CNTNAP2: variants seen among roughly 807,000 people sequenced by gnomAD.
The protein encoded by CNTNAP2 is contactin associated protein 2.
In CNTNAP2, 98 loss-of-function variants were observed where a neutral mutation model predicts 155.2. That is an observed-to-expected ratio of 0.63 (90% confidence interval 0.54 to 0.75). The LOEUF (loss-of-function observed/expected upper bound fraction) is 0.75, where lower values mean the gene tolerates loss of function less well. Ranked by LOEUF, CNTNAP2 falls within the 30% of genes least tolerant of loss-of-function variation. The pLI, the probability that CNTNAP2 is intolerant of heterozygous loss-of-function variation, is 0.00. For synonymous variants in CNTNAP2, 651 were observed against 631.2 expected (o/e 1.03, Z -0.47); for missense variants, 1,727 against 1,688.1 (o/e 1.02, Z -0.40).
chr7:146,843,361 C>T (rs969317700), intron 3 of CNTNAP2, among the ~76,000 whole-genome samples: 5 of 151,798 alleles, frequency 3.3e-5, no homozygotes, highest in Non-Finnish European at 7.4e-5. Context: ...CACTCACTGT[C>T]AGGAGATCAA....
intron 1 of CNTNAP2, among the ~76,000 whole-genome samples, chr7:146,296,040 C>T (rs1291434954): frequency 6.6e-6 from 1 of 152,150 alleles, no homozygotes; most frequent in East Asian, 1.9e-4. Flanking sequence ...TCCTTACAAC[C>T]AAAGTCACAT....
chr7:147,612,525 T>G (rs532170603), intron 12 of CNTNAP2, among the ~76,000 whole-genome samples: 1 of 151,856 alleles, frequency 6.6e-6, no homozygotes, highest in Admixed American at 6.6e-5. Context: ...CTCAGCCTCT[T>G]AAGTAGCTGG....
chr7:148,025,613 C>T (rs147885886), intron 15 of CNTNAP2, among the ~76,000 whole-genome samples: 12 of 152,184 alleles, frequency 7.9e-5, no homozygotes, highest in African/African-American at 2.7e-4. Context: ...CTTCCTGTTA[C>T]CTTAGTACTC....
intron 21 of CNTNAP2, among the ~76,000 whole-genome samples, chr7:148,341,450 T>C (rs971508857): frequency 1.3e-5 from 2 of 152,172 alleles, no homozygotes; most frequent in African/African-American, 4.8e-5. Flanking sequence ...AGTCTATTGC[T>C]TACTATTAAC....
chr7:146,520,392 A>G (rs1030357827), intron 1 of CNTNAP2, among the ~76,000 whole-genome samples: 1 of 150,162 alleles, frequency 6.7e-6, no homozygotes, highest in African/African-American at 2.4e-5. Context: ...TCTGAAGAGA[A>G]AAATGACACT....
At position 146,191,272 on chromosome 7, in the gene CNTNAP2, CT is replaced by C. The variant is rs1165126721; in HGVS notation, c.97+74300del. ...ATGTCGGCAGGTTCTGTGATGCCCC[CT>C]GAGCCGCAAAACCAGCAAGTTTGTA... On this transcript the variant is annotated intron_variant, in intron 1 of 23. Coordinates refer to ENST00000361727, the MANE Select transcript of CNTNAP2 (RefSeq NM_014141.6). Among the ~76,000 whole-genome samples the C allele has an allele frequency of 4.6e-5, 7 of 152,156 alleles. No individual in the cohort carries two copies. The South Asian group carries it at 1.5e-3, about 32-fold the overall frequency.
Position 146,583,594 on chromosome 7 carries a change from C to T in CNTNAP2, c.98-190677C>T, listed in dbSNP as rs56149121. Among the ~76,000 whole-genome samples the T allele has an allele frequency of 0.033, 5,053 of 152,114 alleles. 275 individuals carry two copies. The highest frequency in any genetic ancestry group is 0.12 in the African/African-American group (4,798 of 41,490). ...ATGTAAGAAACTCAGAACAAGAGAT[C>T]GCTTATAAAATAATTGAAAAAATAC... On this transcript the variant is annotated intron_variant, in intron 1 of 23. Coordinates refer to ENST00000361727, the MANE Select transcript of CNTNAP2 (RefSeq NM_014141.6).
intron 11 of CNTNAP2, chr7:147,496,603 G>A (rs1484633255): frequency 2.6e-5 from 4 of 152,188 alleles, no homozygotes; most frequent in Admixed American, 2.6e-4. Flanking sequence ...GGTATAATGA[G>A]ATGCTTCCTC....
chr7:147,355,724 C>A (rs1044364374), intron 9 of CNTNAP2, among the ~76,000 whole-genome samples: 5 of 152,016 alleles, frequency 3.3e-5, no homozygotes, highest in East Asian at 3.9e-4. Flanking sequence ...TACACCCACC[C>A]AAGACTAAAC....
At chr7:147,629,050 C>T (rs756772504) in intron 12 of CNTNAP2, among the ~76,000 whole-genome samples, 2 of 151,846 alleles carry the variant, frequency 1.3e-5, no homozygotes, top group African/African-American at 4.8e-5. Context: ...AGTGGGGGGG[C>T]TTCAATACTC....
At chr7:146,848,061 T>C (rs1445411330) in intron 3 of CNTNAP2, among the ~76,000 whole-genome samples, 1 of 152,220 alleles carries the variant, frequency 6.6e-6, no homozygotes, top group Non-Finnish European at 1.5e-5. Context: ...AAACAGTTTA[T>C]GCTGGTTAGC....
chr7:147,830,772 C>T (rs1238037089), intron 13 of CNTNAP2, among the ~76,000 whole-genome samples: 1 of 152,162 alleles, frequency 6.6e-6, no homozygotes, highest in African/African-American at 2.4e-5. Flanking sequence ...ATACAGCATT[C>T]TCTTGTATTA....
intron 10 of CNTNAP2, among the ~76,000 whole-genome samples, chr7:147,431,111 G>A (rs1044724066): frequency 2.0e-5 from 3 of 151,832 alleles, no homozygotes; most frequent in Non-Finnish European, 4.4e-5. Flanking sequence ...AAGGTTAGGA[G>A]AAGCGCAGGT....
chr7:147,031,971 G>A (rs12539898), intron 3 of CNTNAP2, among the ~76,000 whole-genome samples: 15,223 of 152,144 alleles, frequency 0.1, 1,126 homozygotes, highest in East Asian at 0.24. Context: ...GTATACACAC[G>A]GTGAGGAGTG....
chr7:146,557,066 C>T (rs1218461445), intron 1 of CNTNAP2, among the ~76,000 whole-genome samples: 1 of 152,064 alleles, frequency 6.6e-6, no homozygotes, highest in Non-Finnish European at 1.5e-5. Flanking sequence ...TTCCAAGCAA[C>T]ATACAATTTA....
chr7:147,311,472 T>TA (rs1295293661), intron 9 of CNTNAP2, among the ~76,000 whole-genome samples: 73 of 152,230 alleles, frequency 4.8e-4, no homozygotes, highest in African/African-American at 1.8e-3. Context: ...CTGGCTCTCT[T>TA]ACTCCTGCTG....
chr7:147,411,120 T>C (rs1472971212), intron 10 of CNTNAP2, among the ~76,000 whole-genome samples: 1 of 152,210 alleles, frequency 6.6e-6, no homozygotes, highest in Non-Finnish European at 1.5e-5. Context: ...AGTTAGAAGT[T>C]TTCTTAAGCC....
At chr7:147,524,673 G>C (rs1016984326) in intron 11 of CNTNAP2, among the ~76,000 whole-genome samples, 9 of 152,160 alleles carry the variant, frequency 5.9e-5, no homozygotes, top group African/African-American at 2.2e-4. Flanking sequence ...TGAAAACTCT[G>C]CTTGAGGGTC....
In CNTNAP2 at chr7:147,848,486, G is replaced by A. The variant is rs1377598592; in HGVS notation, c.2099-55079G>A. Among the ~76,000 whole-genome samples, 206 of 149,688 alleles carry A rather than the reference G, an allele frequency of 1.4e-3. 2 individuals are homozygous for A. The highest frequency in any genetic ancestry group is 9.1e-3 in the Admixed American group (137 of 15,016). Reference sequence around the variant, plus strand: ...ACGGTGCGCACACACACTGGCCTGCGCCCACTGTCTGGCACTCCCTAGTGA... The same window carrying A: ...ACGGTGCGCACACACACTGGCCTGCACCCACTGTCTGGCACTCCCTAGTGA... On this transcript the variant is annotated intron_variant, in intron 13 of 23. Coordinates refer to ENST00000361727, the MANE Select transcript of CNTNAP2 (RefSeq NM_014141.6).
Sources: allele counts gnomAD v4.1 joint callset (sites outside exome capture counted in the v4.1 genomes callset), GRCh38; gene constraint gnomAD v4.1.1; transcripts MANE v1.5; gene names NCBI Gene and HGNC (gene_info 2026-07-23, HGNC 2026-07-21).